Variants in PRKG1 observed in about 807,000 individuals in gnomAD.
The protein encoded by PRKG1 is protein kinase cGMP-dependent 1.
Under a neutral mutation model 88.1 loss-of-function variants are expected in PRKG1, and 35 were observed. The ratio of observed to expected loss-of-function variants is 0.40; its 90% CI spans 0.30 to 0.53. PRKG1 has a LOEUF of 0.53. Ranked by LOEUF, PRKG1 falls within the 20% of genes least tolerant of loss-of-function variation. PRKG1 has a pLI of 0.59. For missense variants in PRKG1, 540 were observed against 839.8 expected, an observed-to-expected ratio of 0.64 and a Z score of 4.41; for synonymous variants, 303 against 292.5, an observed-to-expected ratio of 1.04 and a Z score of -0.37.
chr10:51,706,738 G>A (rs986570152), intron 3 of PRKG1, among the ~76,000 whole-genome samples: 2 of 152,076 alleles, frequency 1.3e-5, no homozygotes, highest in African/African-American at 4.8e-5. Flanking sequence ...TGGCTACCTA[G>A]TTCAACACGT....
chr10:51,943,368 T>A (rs1842952337), intron 5 of PRKG1, among the ~76,000 whole-genome samples: 1 of 151,800 alleles, frequency 6.6e-6, no homozygotes, highest in South Asian at 2.1e-4. Context: ...GATGATGGGG[T>A]TTTCTAGATA....
intron 10 of PRKG1, among the ~76,000 whole-genome samples, chr10:52,265,233 C>A (rs1437369009): frequency 1.3e-5 from 2 of 152,024 alleles, no homozygotes. Context: ...CTCCCTTCAT[C>A]ACCGTTGTTC....
chr10:51,544,670 C>T (rs1400993846), intron 3 of PRKG1, among the ~76,000 whole-genome samples: 2 of 152,116 alleles, frequency 1.3e-5, no homozygotes, highest in South Asian at 2.1e-4. Context: ...ACAGTCCCAC[C>T]AACAGTGTAA....
chr10:51,444,370 G>T (rs1019124245), intron 2 of PRKG1, among the ~76,000 whole-genome samples: 2 of 151,724 alleles, frequency 1.3e-5, no homozygotes, highest in East Asian at 1.9e-4. Context: ...CTAAGGCAAA[G>T]GTCAGAACTT....
At chr10:51,870,261 T>C (rs191987516) in intron 4 of PRKG1, among the ~76,000 whole-genome samples, 3 of 152,242 alleles carry the variant, frequency 2.0e-5, no homozygotes, top group African/African-American at 7.2e-5. Context: ...CCAATGTGAA[T>C]TGGTTGATTT....
chr10:51,638,167 G>T (rs2132292553), intron 3 of PRKG1, among the ~76,000 whole-genome samples: 1 of 152,274 alleles, frequency 6.6e-6, no homozygotes, highest in East Asian at 1.9e-4. Flanking sequence ...TTTTACAGGA[G>T]AAATCATATG....
intron 2 of PRKG1, among the ~76,000 whole-genome samples, chr10:51,392,509 GA>G (rs1288159782): frequency 6.6e-6 from 1 of 152,146 alleles, no homozygotes; most frequent in African/African-American, 2.4e-5. Context: ...AGAACAAAAT[GA>G]AAAGTCTCCC....
chr10:51,655,600 A>AT (rs906014467), intron 3 of PRKG1, among the ~76,000 whole-genome samples: 11 of 152,168 alleles, frequency 7.2e-5, no homozygotes, highest in East Asian at 3.9e-4. Flanking sequence ...AGGAAAAAAA[A>AT]ATATATATAC....
intron 2 of PRKG1, among the ~76,000 whole-genome samples, chr10:51,234,303 A>G (rs1838923946): frequency 6.6e-6 from 1 of 152,104 alleles, no homozygotes; most frequent in African/African-American, 2.4e-5. Context: ...ACCTTTAACT[A>G]ATGAATTCCT....
chr10:52,128,154 G>T (rs1172179151), intron 7 of PRKG1: 3 of 985,266 alleles, frequency 3.0e-6, no homozygotes, highest in South Asian at 9.4e-5. Flanking sequence ...ACATGACAGA[G>T]AGTAAAGAGC....
rs113275321 is a variant in PRKG1 at position 52,064,504 on chromosome 10, A to G, written c.935+1873A>G. 2.9e-4 allele frequency among the ~76,000 whole-genome samples: 44 copies of G among 152,284 alleles called. 1 individual carries two copies. Among genetic ancestry groups the G allele is most frequent in the African/African-American group, 9.6e-4 (40 of 41,566 alleles). ...GAGGGCAGGGATCTTGTCAGCTCCT[A>G]GTCCCCCAACAGCACAGGGGAGGCC... On this transcript the variant is annotated intron_variant, in intron 7 of 17. Transcript: ENST00000373980.
intron 7 of PRKG1, among the ~76,000 whole-genome samples, chr10:52,101,487 A>T (rs1054479550): frequency 6.6e-6 from 1 of 152,208 alleles, no homozygotes; most frequent in Non-Finnish European, 1.5e-5. Context: ...ATACTGCATA[A>T]ATTCATATAA....
chr10:51,464,277 C>G (rs1839824689), intron 2 of PRKG1, among the ~76,000 whole-genome samples: 2 of 151,822 alleles, frequency 1.3e-5, no homozygotes, highest in South Asian at 4.2e-4. Flanking sequence ...GAGCGAGACT[C>G]CATCTCAAAA....
At chr10:51,645,512 G>A (rs1264297036) in intron 3 of PRKG1, among the ~76,000 whole-genome samples, 1 of 152,160 alleles carries the variant, frequency 6.6e-6, no homozygotes, top group Non-Finnish European at 1.5e-5. Context: ...GAATATATTA[G>A]TGAATTAGAA....
chr10:52,042,186 A>G (rs1845768653), intron 5 of PRKG1, among the ~76,000 whole-genome samples: 1 of 152,130 alleles, frequency 6.6e-6, no homozygotes, highest in Non-Finnish European at 1.5e-5. Context: ...TTTCTCTCAA[A>G]ATACTAAGGG....
At chr10:52,202,433 TG>T (rs1256295488) in intron 9 of PRKG1, among the ~76,000 whole-genome samples, 2 of 152,018 alleles carry the variant, frequency 1.3e-5, no homozygotes, top group Admixed American at 6.6e-5. Flanking sequence ...GATGTGCTGC[TG>T]GTATTTTGTT....
intron 9 of PRKG1, among the ~76,000 whole-genome samples, chr10:52,219,533 C>T (rs1045823433): frequency 2.6e-5 from 4 of 152,098 alleles, no homozygotes; most frequent in African/African-American, 7.2e-5. Context: ...ACTACTAAAC[C>T]GACTGATTTT....
Position 50,991,360 on chromosome 10 carries a change from G to T in PRKG1, c.-19G>T. The T allele has an allele frequency of 6.6e-7, 1 of 1,504,520 alleles. No homozygotes were observed. Among genetic ancestry groups the T allele is most frequent in the East Asian group, 2.8e-5 (1 of 35,690 alleles). 93.2% of individuals were successfully genotyped at this position (1,504,520 alleles called of 1,614,324 possible). On this transcript the variant is annotated 5_prime_UTR_variant, in exon 1 of 18. Transcript: ENST00000401604. The surrounding 1 kb of genome is among the most constrained non-coding windows in gnomAD (Gnocchi z 4.5). ...GCCGCCGCCCGAGAAAAAGTTTCGC[G>T]GAGGGGCTCAGTGAAAAAATGAGCG...
chr10:51,212,312 A>C (rs1424269771), intron 2 of PRKG1, among the ~76,000 whole-genome samples: 1 of 152,186 alleles, frequency 6.6e-6, no homozygotes, highest in Non-Finnish European at 1.5e-5. Context: ...TACAAAAATT[A>C]ATTCAAGATG....
Sources: gnomAD v4.1 joint callset for allele counts (sites outside exome capture counted in the v4.1 genomes callset) on GRCh38, gnomAD v4.1.1 for gene constraint, Gnocchi (gnomAD v3.1) non-coding constraint, MANE v1.5 for transcripts, NCBI Gene and HGNC (gene_info 2026-07-23, HGNC 2026-07-21) for gene names.